Variants in OSBPL5 observed in about 807,000 individuals in gnomAD.
The protein encoded by OSBPL5 is oxysterol-binding protein-related protein 5.
In OSBPL5, 71 loss-of-function variants were observed where a neutral mutation model predicts 111.2. The observed-to-expected ratio is 0.64, with a 90% CI of 0.53 to 0.78. The LOEUF (loss-of-function observed/expected upper bound fraction) is 0.78, where lower values mean the gene tolerates loss of function less well. Ranked by LOEUF, OSBPL5 falls within the 30% of genes least tolerant of loss-of-function variation. OSBPL5 has a pLI of 0.00. For missense variants in OSBPL5, 1,210 were observed against 1,189.3 expected (o/e 1.02, Z -0.26); for synonymous variants, 549 against 513.9 (o/e 1.07, Z -0.93).
intron 7 of OSBPL5, among the ~76,000 whole-genome samples, chr11:3,116,626 G>A (rs1858215072): frequency 6.6e-6 from 1 of 152,144 alleles, no homozygotes; most frequent in Admixed American, 6.5e-5. Context: ...AGGCCATGGT[G>A]GGCGGATCAC....
intron 1 of OSBPL5, among the ~76,000 whole-genome samples, chr11:3,138,169 G>C (rs1203167841): frequency 6.6e-6 from 1 of 152,162 alleles, no homozygotes; most frequent in Non-Finnish European, 1.5e-5. Flanking sequence ...TGGACACCAG[G>C]CCCACTGAAG....
At chr11:3,103,750 C>T (rs61870198) in intron 10 of OSBPL5, among the ~76,000 whole-genome samples, 16,035 of 45,814 alleles carry the variant, frequency 0.35, 1,746 homozygotes, top group Admixed American at 0.44. Context: ...CTGCAACCCT[C>T]TTCCAGCTCT....
rs757540203 is a variant in OSBPL5, at chr11:3,146,955, G to A, written c.-21-17786C>T. Among the ~76,000 whole-genome samples, 1 of 151,592 alleles carries A rather than the reference G, an allele frequency of 6.6e-6. No homozygotes were observed. Among genetic ancestry groups the A allele is most frequent in the Non-Finnish European group, 1.5e-5 (1 of 67,674 alleles). On this transcript the variant is annotated intron_variant, in intron 1 of 21. Coordinates refer to ENST00000263650, the MANE Select transcript of OSBPL5 (RefSeq NM_020896.4). This position sits in a 1 kb window ranked among gnomAD's most constrained non-coding sequence, Gnocchi z 7.8. ...TTAGAGGTGGCTCAGCTGAGGGCAC[G>A]GGGGCCTTGGCAGCTGTCACGACCC... is the stretch of plus-strand genomic sequence containing the variant.
In OSBPL5 at chr11:3,102,133, C is replaced by T. The variant is rs200955946; in HGVS notation, c.1425+50G>A. ...CCAGGGCCCCGCCCCCACAGAGCCCCGCCCCATAGAGCCCAGCACCCAGGC... is the reference window on the plus strand; with the variant it reads ...CCAGGGCCCCGCCCCCACAGAGCCCTGCCCCATAGAGCCCAGCACCCAGGC... On this transcript the variant is annotated intron_variant, in intron 12 of 21. Coordinates refer to ENST00000263650, the MANE Select transcript of OSBPL5 (RefSeq NM_020896.4). 2.3e-5 allele frequency: 36 copies of T among 1,538,144 alleles called. No homozygotes were observed. In the Admixed American group the frequency reaches 2.3e-4, roughly 10 times the overall value.
In OSBPL5 at chr11:3,150,922, C is replaced by A. The variant is rs117365435; in HGVS notation, c.-22+14294G>T. ...CCCAGGAGTCACGGCGGGCTGCCCGCTGTGGCCACCCTCTCCCGGCGGTGG... is the reference window on the plus strand; with the variant it reads ...CCCAGGAGTCACGGCGGGCTGCCCGATGTGGCCACCCTCTCCCGGCGGTGG... On this transcript the variant is annotated intron_variant, in intron 1 of 21. Transcript: ENST00000263650. Among the ~76,000 whole-genome samples, 1,192 of 152,330 alleles carry A rather than the reference C, an allele frequency of 7.8e-3. 16 individuals carry two copies. The highest frequency in any genetic ancestry group is 0.014 in the Non-Finnish European group (941 of 68,028).
Position 3,089,827 on chromosome 11 carries a change from C to G in OSBPL5, c.2501+19G>C, listed in dbSNP as rs1199179473. 1 of 1,551,190 alleles carries G rather than the reference C, an allele frequency of 6.4e-7. No homozygotes were observed. Among genetic ancestry groups the G allele is most frequent in the Non-Finnish European group, 8.7e-7 (1 of 1,146,860 alleles). On this transcript the variant is annotated intron_variant, in intron 21 of 21. Transcript: ENST00000263650. ...CTCTCTGACCCGGAGTCTGGATGGA[C>G]ACCCTGAGTGTGGCCCACCTGTGCA...
chr11:3,103,811 C>CCAGCCT lies in OSBPL5; in HGVS notation c.1244+381_1244+382insAGGCTG, dbSNP rs1564830384. On this transcript the variant is annotated intron_variant, in intron 10 of 21. Coordinates refer to ENST00000263650, the MANE Select transcript of OSBPL5 (RefSeq NM_020896.4). The stretch of plus-strand genomic sequence containing the variant: ...CCCTTCCTGCCTCTGCAGCCCTCTT[C>CCAGCCT]CTGCCTGCGCAGCCCCCTTCCAGCC... 1.4e-4 allele frequency among the ~76,000 whole-genome samples: 8 copies of CCAGCCT among 56,758 alleles called. 1 individual carries two copies. Among genetic ancestry groups the CCAGCCT allele is most frequent in the Non-Finnish European group, 2.3e-4 (5 of 21,902 alleles). 37.2% of individuals were successfully genotyped at this position (56,758 alleles called of 152,430 possible).
At chr11:3,131,563 TCATC>T (rs149219213) in intron 1 of OSBPL5, among the ~76,000 whole-genome samples, 14 of 119,318 alleles carry the variant, frequency 1.2e-4, no homozygotes, top group Middle Eastern at 6.3e-3. Flanking sequence ...ACCCATTCAT[TCATC>T]CATCCATCCA....
chr11:3,146,655 G>C lies in OSBPL5; in HGVS notation c.-21-17486C>G, dbSNP rs576129769. 1.2e-4 allele frequency: 18 copies of C among 152,328 alleles called. No individual in the cohort carries two copies. In the East Asian group the frequency reaches 3.5e-3, roughly 29 times the overall value. 9.4% of individuals were successfully genotyped at this position (152,328 alleles called of 1,614,324 possible). A position where few individuals can be genotyped will look rare whatever the true frequency, so the allele number is the denominator to read the frequency against. On this transcript the variant is annotated intron_variant, in intron 1 of 21. Coordinates refer to ENST00000263650, the MANE Select transcript of OSBPL5 (RefSeq NM_020896.4). This position sits in a 1 kb window ranked among gnomAD's most constrained non-coding sequence, Gnocchi z 7.8. The stretch of plus-strand genomic sequence containing the variant: ...GAGCTGCTAAGCCGCTGGGCACACA[G>C]CTGTGCCTGAGTGCAGGGGGAGAGG...
At position 3,105,121 on chromosome 11, in the gene OSBPL5, G is replaced by T. The variant is rs1373041804; in HGVS notation, c.1060-744C>A. ...CCTCACCGCAGCCCCAGGGAACGGG[G>T]ACCCTGGTCCTCCCCCTCCACAGAG... On this transcript the variant is annotated intron_variant, in intron 9 of 21. Transcript: ENST00000263650. This position sits in a 1 kb window ranked among gnomAD's most constrained non-coding sequence, Gnocchi z 5.2. Among the ~76,000 whole-genome samples the T allele has an allele frequency of 6.6e-6, 1 of 152,276 alleles. No individual in the cohort carries two copies. Among genetic ancestry groups the T allele is most frequent in the East Asian group, 1.9e-4 (1 of 5,166 alleles).
Position 3,107,773 on chromosome 11 carries a change from G to A in OSBPL5, c.864C>T (p.Phe288=). The A allele has an allele frequency of 1.2e-6, 2 of 1,611,772 alleles. No individual in the cohort carries two copies. Among genetic ancestry groups the A allele is most frequent in the Non-Finnish European group, 1.7e-6 (2 of 1,179,926 alleles). The change falls in exon 8 of 22, where the codon TTC becomes TTT. Residue 288 remains phenylalanine (F), a splice_region_variant and synonymous_variant. Coordinates refer to ENST00000263650, the MANE Select transcript of OSBPL5 (RefSeq NM_020896.4). This position sits in a 1 kb window ranked among gnomAD's most constrained non-coding sequence, Gnocchi z 6.1. ...CCCTGTGCCCTCGCCCCACTCACGG[G>A]AACAGGTCTTGGTCTGGGTGGACGG... ...SATVHPDQDL[F]PLNGSSLEND...
At chr11:3,094,553 G>GGGAGGCACGGAGCCTGGGAGGCA (rs1857190493) in intron 14 of OSBPL5, 7 of 302,358 alleles carry the variant, frequency 2.3e-5, no homozygotes, top group Non-Finnish European at 4.1e-5. Context: ...CCTGGGAGGT[G>GGGAGGCACGGAGCCTGGGAGGCA]CGGAGCCTGG....
Position 3,109,148 on chromosome 11 carries a change from G to A in OSBPL5, c.692-1203C>T, listed in dbSNP as rs1590661203. On this transcript the variant is annotated intron_variant, in intron 7 of 21. Transcript: ENST00000263650. The surrounding 1 kb of genome is among the most constrained non-coding windows in gnomAD (Gnocchi z 7.4). ...TGTCACCCAGGCTGGAGTGCAGTAG[G>A]GTGATCTCAGCTCGCTGCAACCTCT... Among the ~76,000 whole-genome samples, 1 of 151,346 alleles carries A rather than the reference G, an allele frequency of 6.6e-6. No homozygotes were observed. The highest frequency in any genetic ancestry group is 2.1e-4 in the South Asian group (1 of 4,778).
intron 13 of OSBPL5, among the ~76,000 whole-genome samples, chr11:3,100,627 G>A (rs754426553): frequency 3.2e-4 from 49 of 152,148 alleles, no homozygotes; most frequent in Admixed American, 1.0e-3. Context: ...CGAGTCGCAG[G>A]TACTGCTGGT....
chr11:3,143,391 G>A (rs924138831), intron 1 of OSBPL5, among the ~76,000 whole-genome samples: 1 of 152,180 alleles, frequency 6.6e-6, no homozygotes, highest in African/African-American at 2.4e-5. Context: ...GCCCCCAGGT[G>A]GTCCGCGCAC....
intron 7 of OSBPL5, among the ~76,000 whole-genome samples, chr11:3,114,876 A>G (rs61870201): frequency 0.26 from 38,754 of 151,914 alleles, 5,245 homozygotes; most frequent in Admixed American, 0.3. Flanking sequence ...TGCTGGGATT[A>G]CAGGCATGAG....
At chr11:3,137,486 G>T (rs1406087394) in intron 1 of OSBPL5, among the ~76,000 whole-genome samples, 1 of 152,188 alleles carries the variant, frequency 6.6e-6, no homozygotes, top group Non-Finnish European at 1.5e-5. Flanking sequence ...GGGAGCAGGG[G>T]AGCAGGGGTC....
At position 3,120,412 on chromosome 11, in the gene OSBPL5, C is replaced by T; in HGVS notation, c.606+9G>A. ...GGCCTCTGTCTTCAACCCCACCCCT[C>T]CGCAGCACCTTCACGGCCCAGACGG... On this transcript the variant is annotated intron_variant, in intron 6 of 21. Transcript: ENST00000263650. The T allele has an allele frequency of 6.2e-7, 1 of 1,610,778 alleles. No individual in the cohort carries two copies. Among genetic ancestry groups the T allele is most frequent in the Non-Finnish European group, 8.5e-7 (1 of 1,178,998 alleles).
intron 3 of OSBPL5, among the ~76,000 whole-genome samples, chr11:3,124,649 C>A (rs1184010289): frequency 2.0e-5 from 3 of 152,198 alleles, no homozygotes; most frequent in Admixed American, 6.5e-5. Context: ...GTGACACACA[C>A]CACCCTTGGC....
Sources: gnomAD v4.1 joint callset for allele counts (sites outside exome capture counted in the v4.1 genomes callset) on GRCh38, gnomAD v4.1.1 for gene constraint, Gnocchi (gnomAD v3.1) non-coding constraint, MANE v1.5 for transcripts, NCBI Gene and HGNC (gene_info 2026-07-23, HGNC 2026-07-21) for gene names.